TMEM232: variants seen among roughly 807,000 people sequenced by gnomAD.
TMEM232 encodes transmembrane protein 232.
TMEM232 carries 80 observed loss-of-function variants against 78.8 expected under a neutral mutation model. The ratio of observed to expected loss-of-function variants is 1.01; its 90% CI spans 0.85 to 1.22. The LOEUF is 1.22. Ranked by LOEUF, TMEM232 falls within the 50% of genes most tolerant of loss-of-function variation. The pLI is 0.00. For missense variants in TMEM232, 881 were observed against 742.2 expected, an observed-to-expected ratio of 1.19 and a Z score of -2.17; for synonymous variants, 297 against 254.3, an observed-to-expected ratio of 1.17 and a Z score of -1.60.
intron 1 of TMEM232, among the ~76,000 whole-genome samples, chr5:110,736,253 T>C (rs185232507): frequency 6.1e-4 from 93 of 152,346 alleles, no homozygotes; most frequent in Middle Eastern, 3.4e-3. Flanking sequence ...AGAGCTTTCA[T>C]AGTGCTCTAG....
At chr5:110,463,302 TAAC>T (rs1180523569) in intron 12 of TMEM232, among the ~76,000 whole-genome samples, 1 of 152,206 alleles carries the variant, frequency 6.6e-6, no homozygotes, top group Admixed American at 6.5e-5. Context: ...TAGCATTTTT[TAAC>T]AACTAAATAT....
intron 12 of TMEM232, among the ~76,000 whole-genome samples, chr5:110,455,004 T>TA (rs1760744842): frequency 6.6e-6 from 1 of 151,792 alleles, no homozygotes; most frequent in Non-Finnish European, 1.5e-5. Flanking sequence ...AGACAGAACT[T>TA]AGACATGAAA....
intron 11 of TMEM232, among the ~76,000 whole-genome samples, chr5:110,564,568 C>T (rs952649781): frequency 6.6e-6 from 1 of 151,834 alleles, no homozygotes; most frequent in Non-Finnish European, 1.5e-5. Context: ...ATTTGCCATC[C>T]AAATTGAGGA....
At chr5:110,637,053 T>C (rs1035095277) in intron 5 of TMEM232, among the ~76,000 whole-genome samples, 3 of 151,518 alleles carry the variant, frequency 2.0e-5, no homozygotes, top group East Asian at 1.9e-4. Context: ...CATGTTTTTC[T>C]ATTCCATTTT....
At chr5:110,666,943 T>C (rs2150128574) in intron 2 of TMEM232, 1 of 209,186 alleles carries the variant, frequency 4.8e-6, no homozygotes, top group East Asian at 1.3e-4. Flanking sequence ...CTAAATAAAA[T>C]GCTTCATGAT....
intron 2 of TMEM232, among the ~76,000 whole-genome samples, chr5:110,732,618 A>AACG: frequency 6.6e-6 from 1 of 152,310 alleles, no homozygotes; most frequent in Non-Finnish European, 1.5e-5. Flanking sequence ...ATAGCATGGG[A>AACG]ACGACCAGCT....
chr5:110,492,260 CAGAA>C (rs1355292097), intron 12 of TMEM232, among the ~76,000 whole-genome samples: 1 of 151,234 alleles, frequency 6.6e-6, no homozygotes, highest in Non-Finnish European at 1.5e-5. Flanking sequence ...ATATTATTAA[CAGAA>C]AGGAAAATTA....
At chr5:110,472,970 C>A (rs536411228) in intron 12 of TMEM232, among the ~76,000 whole-genome samples, 16 of 151,498 alleles carry the variant, frequency 1.1e-4, no homozygotes, top group African/African-American at 2.4e-4. Context: ...TATGAAAAAA[C>A]CAGAATAAAA....
intron 12 of TMEM232, among the ~76,000 whole-genome samples, chr5:110,527,635 A>G (rs1220313044): frequency 6.6e-6 from 1 of 151,928 alleles, no homozygotes; most frequent in Non-Finnish European, 1.5e-5. Context: ...AAAACAATAT[A>G]TAGCAGGTAC....
intron 2 of TMEM232, among the ~76,000 whole-genome samples, chr5:110,663,363 C>A (rs1472789441): frequency 1.3e-5 from 2 of 151,432 alleles, no homozygotes; most frequent in Non-Finnish European, 2.9e-5. Context: ...TTTAATAATA[C>A]CAACATATTA....
intron 2 of TMEM232, among the ~76,000 whole-genome samples, chr5:110,650,680 A>T (rs1175884956): frequency 6.6e-6 from 1 of 152,154 alleles, no homozygotes; most frequent in South Asian, 2.1e-4. Flanking sequence ...ATTAAAAACA[A>T]AGTCTGAGAA....
At chr5:110,524,846 T>A (rs923301809) in intron 12 of TMEM232, among the ~76,000 whole-genome samples, 12 of 152,150 alleles carry the variant, frequency 7.9e-5, no homozygotes, top group African/African-American at 2.9e-4. Flanking sequence ...TATATATTTA[T>A]AATTGTTATA....
chr5:110,697,986 A>C (rs1302010099), intron 1 of TMEM232, among the ~76,000 whole-genome samples: 1 of 152,128 alleles, frequency 6.6e-6, no homozygotes, highest in East Asian at 1.9e-4. Context: ...ACACATGCAC[A>C]CGTATGTTTA....
At chr5:110,613,982 T>A (rs1782620815) in intron 8 of TMEM232, among the ~76,000 whole-genome samples, 1 of 152,198 alleles carries the variant, frequency 6.6e-6, no homozygotes, top group East Asian at 1.9e-4. Flanking sequence ...ATGTCAATAG[T>A]TTTTGTTTGC....
chr5:110,663,778 T>TAC (rs1790149016), intron 2 of TMEM232, among the ~76,000 whole-genome samples: 1 of 150,960 alleles, frequency 6.6e-6, no homozygotes. Context: ...TGTGTGTATA[T>TAC]ACAATATTCA....
intron 12 of TMEM232, among the ~76,000 whole-genome samples, chr5:110,433,203 A>G (rs551432169): frequency 6.6e-6 from 1 of 151,902 alleles, no homozygotes; most frequent in African/African-American, 2.4e-5. Context: ...CATATGGAAC[A>G]TACTCTAAGA....
intron 12 of TMEM232, among the ~76,000 whole-genome samples, chr5:110,427,846 GT>G (rs1455538726): frequency 1.3e-5 from 2 of 151,334 alleles, no homozygotes; most frequent in African/African-American, 4.9e-5. Flanking sequence ...TTAATTTTTT[GT>G]TTTTTATTTT....
intron 8 of TMEM232, among the ~76,000 whole-genome samples, chr5:110,608,500 C>T (rs1268797089): frequency 6.6e-6 from 1 of 151,624 alleles, no homozygotes; most frequent in Non-Finnish European, 1.5e-5. Flanking sequence ...ACTTCTTTTC[C>T]CCTGAATATA....
intron 5 of TMEM232, among the ~76,000 whole-genome samples, chr5:110,631,560 A>G (rs2149973126): frequency 6.6e-6 from 1 of 152,204 alleles, no homozygotes; most frequent in African/African-American, 2.4e-5. Context: ...TGCTGCTGCC[A>G]CTGGAGGCTA....
Sources: allele counts gnomAD v4.1 joint callset (sites outside exome capture counted in the v4.1 genomes callset), GRCh38; gene constraint gnomAD v4.1.1; transcripts MANE v1.5; gene names NCBI Gene and HGNC (gene_info 2026-07-23, HGNC 2026-07-21).